Variants in ARHGEF10L observed in about 807,000 individuals in gnomAD.
ARHGEF10L encodes the protein Rho guanine nucleotide exchange factor 10 like.
In ARHGEF10L, 69 loss-of-function variants were observed where a neutral mutation model predicts 141.2. The observed-to-expected ratio is 0.49, with a 90% CI of 0.40 to 0.60. The LOEUF is 0.60. Ranked by LOEUF, ARHGEF10L falls within the 20% of genes least tolerant of loss-of-function variation. The probability of loss-of-function intolerance (pLI) is 0.00; values close to 1 mark genes in which losing one functional copy is unlikely to be tolerated. For synonymous variants in ARHGEF10L, 711 were observed against 718.5 expected, an observed-to-expected ratio of 0.99 and a Z score of 0.17; for missense variants, 1,482 against 1,734.3, an observed-to-expected ratio of 0.85 and a Z score of 2.58.
At chr1:17,620,223 A>AT (rs34081724) in intron 10 of ARHGEF10L, among the ~76,000 whole-genome samples, 2 of 150,966 alleles carry the variant, frequency 1.3e-5, no homozygotes, top group East Asian at 3.9e-4. Context: ...AAAAAAAAAA[A>AT]TGGCTTCCTT....
chr1:17,575,846 C>A (rs761089108), intron 1 of ARHGEF10L, among the ~76,000 whole-genome samples: 6 of 152,164 alleles, frequency 3.9e-5, no homozygotes, highest in Admixed American at 6.5e-5. Flanking sequence ...CCTGGTCTTT[C>A]CCCCCATTCC....
intron 1 of ARHGEF10L, among the ~76,000 whole-genome samples, chr1:17,556,748 A>G (rs1557702931): frequency 6.6e-6 from 1 of 152,186 alleles, no homozygotes; most frequent in South Asian, 2.1e-4. Context: ...CTAGTATTAT[A>G]GGTTGGTATC....
chr1:17,646,837 G>T (rs2061634057), intron 21 of ARHGEF10L, among the ~76,000 whole-genome samples: 1 of 152,052 alleles, frequency 6.6e-6, no homozygotes, highest in Non-Finnish European at 1.5e-5. Flanking sequence ...GCACGGTGGA[G>T]CCAGTGGCCG....
intron 1 of ARHGEF10L, among the ~76,000 whole-genome samples, chr1:17,556,096 G>C (rs1288171241): frequency 7.7e-6 from 1 of 129,900 alleles, no homozygotes; most frequent in African/African-American, 2.9e-5. Flanking sequence ...GGAACACAGG[G>C]ATGAGCCTGG....
At chr1:17,664,259 G>A (rs1048865741) in intron 25 of ARHGEF10L, among the ~76,000 whole-genome samples, 188 bp from the exon 26 acceptor site, 2 of 152,192 alleles carry the variant, frequency 1.3e-5, no homozygotes, top group Non-Finnish European at 2.9e-5. Flanking sequence ...GGCTGGGTGT[G>A]GGACATGAAT....
In ARHGEF10L at chr1:17,627,285, A is replaced by G; in HGVS notation, c.1411-45A>G. The stretch of plus-strand genomic sequence containing the variant: ...GAGGCTTTGCCCCAGGCTGGGGTAG[A>G]GTTGGTCATGGGTGGGCTGCTCAGT... On this transcript the variant is annotated intron_variant, in intron 14 of 28. Coordinates refer to ENST00000361221, the MANE Select transcript of ARHGEF10L (RefSeq NM_018125.4). This position sits in a 1 kb window ranked among gnomAD's most constrained non-coding sequence, Gnocchi z 4.0. 2 of 1,595,676 alleles carry G rather than the reference A, an allele frequency of 1.3e-6. No homozygotes were observed. Among genetic ancestry groups the G allele is most frequent in the Middle Eastern group, 1.7e-4 (1 of 5,962 alleles).
Position 17,573,856 on chromosome 1 carries a change from C to T in ARHGEF10L, c.-43-6697C>T, listed in dbSNP as rs1273659814. 3.3e-5 allele frequency among the ~76,000 whole-genome samples: 5 copies of T among 152,104 alleles called. No homozygotes were observed. The highest frequency in any genetic ancestry group is 6.5e-5 in the Admixed American group (1 of 15,296). On this transcript the variant is annotated intron_variant, in intron 1 of 28. Coordinates refer to ENST00000361221, the MANE Select transcript of ARHGEF10L (RefSeq NM_018125.4). This position sits in a 1 kb window ranked among gnomAD's most constrained non-coding sequence, Gnocchi z 4.8. Reference sequence around the variant, plus strand: ...TGCGGGAGGGTGGGTGCCACCGACTCTGGGCTCAGGACAGAGTCTCCATTG... The same window carrying T: ...TGCGGGAGGGTGGGTGCCACCGACTTTGGGCTCAGGACAGAGTCTCCATTG...
chr1:17,622,012 G>T, intron 11 of ARHGEF10L, 71 bp downstream of exon 11: 1 of 1,527,666 alleles, frequency 6.5e-7, no homozygotes, highest in Non-Finnish European at 9.1e-7. Flanking sequence ...AACTTTATAC[G>T]GAGTGTTTGG....
At position 17,638,684 on chromosome 1, in the gene ARHGEF10L, C is replaced by G. The variant is rs140372189; in HGVS notation, c.2166C>G (p.Pro722=). ...TCAGGCTCCTGCTTCCTGGGAAACC[C>G]GACAAGTGAGAGGAGGGGGTCTTGG... ...CRLRLLLPGK[P]DKSGRPISFM... The change falls in exon 20 of 29, where the codon CCC becomes CCG. Residue 722 remains proline, a synonymous_variant. Coordinates refer to ENST00000361221, the MANE Select transcript of ARHGEF10L (RefSeq NM_018125.4). The G allele has an allele frequency of 6.2e-7, 1 of 1,613,928 alleles. No individual in the cohort carries two copies. The highest frequency in any genetic ancestry group is 8.5e-7 in the Non-Finnish European group (1 of 1,179,998).
rs773842526 is a variant in ARHGEF10L, at chr1:17,656,911, A to T, written c.2860+203A>T. ...GAATACCTGCTGGAATAGGGTGCTC[A>T]CTACCATGTGGGCAGTGGAACCTGT... On this transcript the variant is annotated intron_variant, in intron 25 of 28. Transcript: ENST00000361221. The surrounding 1 kb of genome is among the most constrained non-coding windows in gnomAD (Gnocchi z 4.9). Among the ~76,000 whole-genome samples the T allele has an allele frequency of 2.6e-5, 4 of 152,202 alleles. No homozygotes were observed. Among genetic ancestry groups the T allele is most frequent in the Non-Finnish European group, 5.9e-5 (4 of 68,024 alleles).
chr1:17,600,985 G>A (rs1366847374), intron 4 of ARHGEF10L, among the ~76,000 whole-genome samples: 4 of 150,768 alleles, frequency 2.7e-5, no homozygotes, highest in Admixed American at 6.6e-5. Context: ...GGGAGGCAGA[G>A]GTTGCAGTGA....
rs2079301899 is a variant in ARHGEF10L at position 17,589,002 on chromosome 1, A to ACAGTTGCTAT, written c.257+524_257+533dup. ...TGTTAATATCATTCCCATTCCTATG[A>ACAGTTGCTAT]CAGTTGCTATTAGGGACCCTGCCCT... On this transcript the variant is annotated intron_variant, in intron 4 of 28. Coordinates refer to ENST00000361221, the MANE Select transcript of ARHGEF10L (RefSeq NM_018125.4). Among the ~76,000 whole-genome samples the ACAGTTGCTAT allele has an allele frequency of 2.0e-5, 3 of 151,762 alleles. No homozygotes were observed. The South Asian group carries it at 6.2e-4, about 32-fold the overall frequency.
At chr1:17,679,842 T>G (rs1016241629) in intron 26 of ARHGEF10L, among the ~76,000 whole-genome samples, 2 of 152,018 alleles carry the variant, frequency 1.3e-5, no homozygotes, top group Non-Finnish European at 2.9e-5. Context: ...TCTGTGGGGA[T>G]TAAAGGGAGG....
chr1:17,549,789 C>G (rs1331219524), intron 1 of ARHGEF10L, among the ~76,000 whole-genome samples: 1 of 152,156 alleles, frequency 6.6e-6, no homozygotes, highest in African/African-American at 2.4e-5. Context: ...AGTAAAAACT[C>G]TGTTAAGAAA....
chr1:17,607,860 G>C lies in ARHGEF10L; in HGVS notation c.492G>C (p.Ala164=). 1 of 1,588,352 alleles carries C rather than the reference G, an allele frequency of 6.3e-7. No individual in the cohort carries two copies. The highest frequency in any genetic ancestry group is 8.6e-7 in the Non-Finnish European group (1 of 1,168,868). Residue 164 remains alanine, a synonymous_variant, in exon 7 of 29, where the codon GCG becomes GCC. Coordinates refer to ENST00000361221, the MANE Select transcript of ARHGEF10L (RefSeq NM_018125.4). This position sits in a 1 kb window ranked among gnomAD's most constrained non-coding sequence, Gnocchi z 4.5. ...ACCGGGCTGGGGCCCCTCGGCAGGC[G>C]GAGGACCTAGGCTGGAGCTCCAGTG... ...DAHRAGAPRQ[A]EDLGWSSSEF... is the part of the protein sequence containing the mutation.
intron 1 of ARHGEF10L, among the ~76,000 whole-genome samples, chr1:17,545,099 G>C (rs1332013757): frequency 6.6e-6 from 1 of 152,174 alleles, no homozygotes; most frequent in African/African-American, 2.4e-5. Context: ...AGGGGTGTGA[G>C]TGTGGGTGTG....
intron 4 of ARHGEF10L, among the ~76,000 whole-genome samples, chr1:17,598,791 A>G (rs990674449): frequency 2.0e-5 from 3 of 151,610 alleles, no homozygotes; most frequent in African/African-American, 7.3e-5. Context: ...TTTTTTATAA[A>G]ATGGTAGCTA....
At chr1:17,576,246 C>A (rs531163170) in intron 1 of ARHGEF10L, among the ~76,000 whole-genome samples, 6 of 152,194 alleles carry the variant, frequency 3.9e-5, no homozygotes, top group African/African-American at 1.4e-4. Flanking sequence ...GGCCTCTGGG[C>A]AGATGGACTT....
At chr1:17,605,771 AG>A (rs2081116766) in intron 6 of ARHGEF10L, among the ~76,000 whole-genome samples, 1 of 152,182 alleles carries the variant, frequency 6.6e-6, no homozygotes, top group Admixed American at 6.5e-5. Flanking sequence ...ACATGCTGCC[AG>A]GGTTCCTCCT....
Sources: gnomAD v4.1 joint callset for allele counts (sites outside exome capture counted in the v4.1 genomes callset) on GRCh38, gnomAD v4.1.1 for gene constraint, Gnocchi (gnomAD v3.1) non-coding constraint, MANE v1.5 for transcripts, NCBI Gene and HGNC (gene_info 2026-07-23, HGNC 2026-07-21) for gene names.